LY75: variants seen among roughly 807,000 people sequenced by gnomAD.
The protein encoded by LY75 is C-type lectin domain family 13 member B.
Under a neutral mutation model 231.7 loss-of-function variants are expected in LY75, and 185 were observed. The observed-to-expected ratio is 0.80, with a 90% confidence interval of 0.71 to 0.90. LY75 has a LOEUF of 0.90. LY75 is among the 40% of genes least tolerant of loss of function. The probability of loss-of-function intolerance (pLI) is 0.00; values close to 1 mark genes in which losing one functional copy is unlikely to be tolerated. For missense variants in LY75, 1,947 were observed against 2,050.2 expected, an observed-to-expected ratio of 0.95 and a Z score of 0.97; for synonymous variants, 668 against 689.0, an observed-to-expected ratio of 0.97 and a Z score of 0.48.
chr2:159,841,472 T>C (rs1684026573), intron 24 of LY75, among the ~76,000 whole-genome samples: 1 of 152,198 alleles, frequency 6.6e-6, no homozygotes, highest in African/African-American at 2.4e-5. Flanking sequence ...ACATGAGATA[T>C]CTACTTACAG....
At chr2:159,842,438 A>C (rs1684065862) in intron 23 of LY75, 64 bp from the exon 24 acceptor site, 2 of 1,506,642 alleles carry the variant, frequency 1.3e-6, no homozygotes, top group Non-Finnish European at 1.8e-6. Context: ...CCTAGCAAGA[A>C]AAGTTTAGAT....
chr2:159,894,720 AAGC>A (rs1211336796), intron 2 of LY75, among the ~76,000 whole-genome samples: 6 of 152,342 alleles, frequency 3.9e-5, no homozygotes, highest in South Asian at 2.1e-4. Flanking sequence ...GGTGTGAAAG[AAGC>A]AGCAGCTTCA....
At chr2:159,860,989 T>A in intron 14 of LY75, 100 bp from the exon 15 acceptor site, 1 of 1,292,776 alleles carries the variant, frequency 7.7e-7, no homozygotes, top group South Asian at 1.3e-5. Flanking sequence ...TGCGTTGATA[T>A]GCCACAGAAA....
intron 1 of LY75, among the ~76,000 whole-genome samples, chr2:159,899,978 G>T (rs1686024932): frequency 6.6e-6 from 1 of 152,188 alleles, no homozygotes; most frequent in Non-Finnish European, 1.5e-5. Context: ...AAGCCTGGGG[G>T]GATTGACAGT....
intron 25 of LY75, among the ~76,000 whole-genome samples, chr2:159,838,434 A>G (rs1015950591): frequency 1.3e-5 from 2 of 152,202 alleles, no homozygotes; most frequent in African/African-American, 4.8e-5. Flanking sequence ...CCAACTGTCT[A>G]AAAAATAAAT....
chr2:159,848,093 T>TACACACACACACACAC (rs773757343), intron 23 of LY75, among the ~76,000 whole-genome samples: 6 of 28,544 alleles, frequency 2.1e-4, no homozygotes, highest in African/African-American at 6.9e-4. Flanking sequence ...TATATATATA[T>TACACACACACACACAC]ACACACACAC....
chr2:159,900,979 C>T (rs112571027), intron 1 of LY75, among the ~76,000 whole-genome samples: 1 of 152,122 alleles, frequency 6.6e-6, no homozygotes, highest in African/African-American at 2.4e-5. Context: ...GCTGAGATTA[C>T]AGGTGCCTGC....
At chr2:159,893,816 T>G in intron 3 of LY75, 98 bp downstream of exon 3, 1 of 1,416,766 alleles carries the variant, frequency 7.1e-7, no homozygotes, top group Non-Finnish European at 9.4e-7. Context: ...GATAATATTT[T>G]TGCAGTCACT....
At chr2:159,895,937 T>A (rs10192293) in intron 2 of LY75, among the ~76,000 whole-genome samples, 1 of 152,154 alleles carries the variant, frequency 6.6e-6, no homozygotes, top group Non-Finnish European at 1.5e-5. Flanking sequence ...CAAGACAGAC[T>A]TTCCTGGGAA....
intron 25 of LY75, among the ~76,000 whole-genome samples, chr2:159,839,479 C>G (rs899975740): frequency 2.6e-5 from 4 of 152,188 alleles, no homozygotes; most frequent in Middle Eastern, 3.2e-3. Context: ...ATGAGAAGTG[C>G]TTGAGACATC....
At chr2:159,815,052 C>G (rs188653407) in intron 31 of LY75, among the ~76,000 whole-genome samples, 2,652 of 141,714 alleles carry the variant, frequency 0.019, 31 homozygotes, top group Middle Eastern at 0.037. Context: ...CCAGGCTGGA[C>G]TGCAGTGGCG....
In LY75 at chr2:159,854,681, G is replaced by C. The variant is rs13429017; in HGVS notation, c.2420-146C>G. ...GGGCAGTACTGACTACAAGGAACAA[G>C]AGATTCCTGAGCCAGTGACTCTGCC... is the stretch of plus-strand genomic sequence containing the variant. On this transcript the variant is annotated intron_variant, in intron 17 of 34. Coordinates refer to ENST00000263636, the MANE Select transcript of LY75 (RefSeq NM_002349.4). 8,573 of 1,165,314 alleles carry C rather than the reference G, an allele frequency of 7.4e-3. 321 individuals are homozygous for C. In the African/African-American group the frequency reaches 0.097, roughly 13 times the overall value. The allele number at this position is 1,165,314 out of a possible 1,614,324, so 72.2% of individuals were successfully genotyped here.
intron 7 of LY75, 122 bp from the exon 8 acceptor site, chr2:159,881,362 C>T (rs888196176): frequency 4.5e-5 from 53 of 1,180,030 alleles, no homozygotes; most frequent in Admixed American, 2.3e-4. Context: ...ATTCTTAATT[C>T]GGTTATTAAT....
intron 14 of LY75, among the ~76,000 whole-genome samples, chr2:159,864,402 G>C (rs563468173): frequency 6.6e-6 from 1 of 152,182 alleles, no homozygotes; most frequent in African/African-American, 2.4e-5. Flanking sequence ...AATTCATTTG[G>C]AGTTGATTTT....
intron 3 of LY75, among the ~76,000 whole-genome samples, chr2:159,893,675 C>CT (rs1240623458): frequency 6.6e-6 from 1 of 152,150 alleles, no homozygotes; most frequent in East Asian, 1.9e-4. Flanking sequence ...CCCTGGGGTG[C>CT]TATGGAACAC....
At chr2:159,902,045 A>C (rs1686098865) in intron 1 of LY75, among the ~76,000 whole-genome samples, 1 of 152,232 alleles carries the variant, frequency 6.6e-6, no homozygotes, top group Non-Finnish European at 1.5e-5. Flanking sequence ...TTATTTAGAA[A>C]ATTTGGTACA....
intron 23 of LY75, 163 bp from the exon 24 acceptor site, chr2:159,842,537 A>T: frequency 1.5e-6 from 1 of 667,066 alleles, no homozygotes; most frequent in Non-Finnish European, 1.9e-6. Context: ...CTTTCAAAGC[A>T]TGGATAAAGG....
chr2:159,833,021 T>C (rs1683710658), intron 27 of LY75, among the ~76,000 whole-genome samples: 8 of 152,192 alleles, frequency 5.3e-5, no homozygotes, highest in Admixed American at 5.2e-4. Context: ...CCTTGTGGTG[T>C]ATCTAAGCTT....
intron 15 of LY75, among the ~76,000 whole-genome samples, chr2:159,859,312 G>A (rs1217784692): frequency 1.3e-5 from 2 of 152,118 alleles, no homozygotes; most frequent in African/African-American, 4.8e-5. Flanking sequence ...GCTTTCCTGT[G>A]GTTTTGTCAG....
Sources: allele counts gnomAD v4.1 joint callset (sites outside exome capture counted in the v4.1 genomes callset), GRCh38; gene constraint gnomAD v4.1.1; transcripts MANE v1.5; gene names NCBI Gene and HGNC (gene_info 2026-07-23, HGNC 2026-07-21).